The following MRPL14 variants were observed in gnomAD, a reference collection of about 807,000 sequenced individuals.
MRPL14 encodes the protein mitochondrial ribosomal protein L14.
In MRPL14, 8 loss-of-function variants were observed where a neutral mutation model predicts 10.9. The ratio of observed to expected loss-of-function variants is 0.74; its 90% CI spans 0.43 to 1.33. The LOEUF is 1.33. MRPL14 is among the 40% of genes most tolerant of loss of function. MRPL14 has a pLI of 0.01. For synonymous variants in MRPL14, 82 were observed against 74.1 expected, an observed-to-expected ratio of 1.11 and a Z score of -0.54; for missense variants, 179 against 194.5, an observed-to-expected ratio of 0.92 and a Z score of 0.47.
rs10400 is a variant in MRPL14, at chr6:44,114,147, G to T, written c.134C>A (p.Ala45Asp). The T allele has an allele frequency of 6.2e-7, 1 of 1,614,104 alleles. No homozygotes were observed. The highest frequency in any genetic ancestry group is 2.2e-5 in the East Asian group (1 of 44,894). ...MTRVRVVDNSALGNSPYHRAP... is the reference protein window; with the variant it reads ...MTRVRVVDNSDLGNSPYHRAP... The stretch of plus-strand genomic sequence containing the variant: ...CCGATGGTATGGGCTGTTCCCCAGG[G>T]CACTGTTGTCCACCACTCGTACCCG... The change falls in exon 3 of 3, where the codon GCC (alanine) becomes GAC (aspartate). Residue 45 changes from alanine to aspartate, a missense_variant. Ala to Asp is a moderately radical substitution (Grantham distance 126). Coordinates refer to ENST00000372014, the MANE Select transcript of MRPL14 (RefSeq NM_032111.4).
At chr6:44,125,005 T>G (rs1282974979) in intron 1 of MRPL14, among the ~76,000 whole-genome samples, 2 of 152,204 alleles carry the variant, frequency 1.3e-5, no homozygotes, top group Non-Finnish European at 2.9e-5. Context: ...CTTGCAACAC[T>G]GAAGACTAGG....
intron 1 of MRPL14, among the ~76,000 whole-genome samples, chr6:44,124,214 G>C (rs1776717105): frequency 6.6e-6 from 1 of 152,108 alleles, no homozygotes; most frequent in Non-Finnish European, 1.5e-5. Flanking sequence ...AAAGAATGGG[G>C]GTGGGAGGGT....
At position 44,114,159 on chromosome 6, in the gene MRPL14, A is replaced by G; in HGVS notation, c.122T>C (p.Val41Ala). The G allele has an allele frequency of 6.2e-7, 1 of 1,613,682 alleles. No homozygotes were observed. The highest frequency in any genetic ancestry group is 8.5e-7 in the Non-Finnish European group (1 of 1,179,786). The change falls in exon 3 of 3, where the codon GTG becomes GCG. Residue 41 changes from valine (V) to alanine (A), a missense_variant. Physicochemically the swap from Val to Ala is moderately conservative, Grantham distance 64. Coordinates refer to ENST00000372014, the MANE Select transcript of MRPL14 (RefSeq NM_032111.4). ...GCTGTTCCCCAGGGCACTGTTGTCC[A>G]CCACTCGTACCCGCGTCATCTTCTG... is the stretch of plus-strand genomic sequence containing the variant. ...AIQKMTRVRV[V>A]DNSALGNSPY...
chr6:44,123,531 GGT>G (rs1484130049), intron 1 of MRPL14, among the ~76,000 whole-genome samples: 2 of 152,196 alleles, frequency 1.3e-5, no homozygotes, highest in African/African-American at 2.4e-5. Context: ...GGTCTGCCAA[GGT>G]GTGAGTTCTC....
In MRPL14 at chr6:44,115,002, A is replaced by G. The variant is rs185522477; in HGVS notation, c.72-793T>C. ...TGACACAACATACCAGAAACTGGTA[A>G]TAAGTCAAGGTAACAATCTTCTGTT... On this transcript the variant is annotated intron_variant, in intron 2 of 2. Transcript: ENST00000372014. 2.0e-5 allele frequency among the ~76,000 whole-genome samples: 3 copies of G among 152,336 alleles called. No individual in the cohort carries two copies. In the East Asian group the frequency reaches 5.8e-4, roughly 29 times the overall value.
At chr6:44,120,542 T>C (rs991969990) in intron 1 of MRPL14, among the ~76,000 whole-genome samples, 1 of 152,206 alleles carries the variant, frequency 6.6e-6, no homozygotes, top group African/African-American at 2.4e-5. Context: ...TATTGACGTC[T>C]AGACCTAAAC....
intron 1 of MRPL14, among the ~76,000 whole-genome samples, chr6:44,125,265 T>C (rs975292054): frequency 6.6e-6 from 1 of 152,236 alleles, no homozygotes; most frequent in African/African-American, 2.4e-5. Context: ...CCTTGAGGAT[T>C]AGGTGCTGAC....
At chr6:44,120,910 G>A (rs1232927345) in intron 1 of MRPL14, among the ~76,000 whole-genome samples, 2 of 152,172 alleles carry the variant, frequency 1.3e-5, no homozygotes, top group Admixed American at 6.5e-5. Flanking sequence ...GGATTAGCCC[G>A]TGCTTTGTTT....
intron 1 of MRPL14, among the ~76,000 whole-genome samples, chr6:44,121,875 G>A (rs904158808): frequency 4.0e-5 from 6 of 150,252 alleles, no homozygotes; most frequent in Non-Finnish European, 8.9e-5. Context: ...GGAGGTGGAG[G>A]TTGCAGTGAG....
chr6:44,126,990 CGGA>C (rs1158658856), intron 1 of MRPL14: 4 of 152,292 alleles, frequency 2.6e-5, no homozygotes, highest in Non-Finnish European at 5.9e-5. Context: ...GCGGAGAAGC[CGGA>C]GGAGACGCTC....
intron 1 of MRPL14, among the ~76,000 whole-genome samples, chr6:44,125,999 G>T (rs1776982875): frequency 6.6e-6 from 1 of 152,156 alleles, no homozygotes; most frequent in African/African-American, 2.4e-5. Context: ...TATTTCCAGT[G>T]ATGAACAGTG....
Position 44,114,084 on chromosome 6 carries a change from A to G in MRPL14, c.197T>C (p.Val66Ala), listed in dbSNP as rs1252847579. Residue 66 changes from valine (V) to alanine (A), a missense_variant, in exon 3 of 3, where the codon GTG becomes GCG. By Grantham distance (64) the Val-to-Ala change is moderately conservative. Coordinates refer to ENST00000372014, the MANE Select transcript of MRPL14 (RefSeq NM_032111.4). ...TAGTATCTGGTCGCCCACCTTGCCCACTCCATTCTTCTTATAGACATGGAT... is the reference window on the plus strand; with the variant it reads ...TAGTATCTGGTCGCCCACCTTGCCCGCTCCATTCTTCTTATAGACATGGAT... ...RCIHVYKKNG[V>A]GKVGDQILLA... 1 of 1,613,538 alleles carries G rather than the reference A, an allele frequency of 6.2e-7. No homozygotes were observed. Among genetic ancestry groups the G allele is most frequent in the Non-Finnish European group, 8.5e-7 (1 of 1,179,954 alleles).
At chr6:44,118,309 A>G (rs1776067785) in intron 1 of MRPL14, among the ~76,000 whole-genome samples, 1 of 152,234 alleles carries the variant, frequency 6.6e-6, no homozygotes, top group East Asian at 1.9e-4. Flanking sequence ...TCAATTAGAT[A>G]AGCCATGCAA....
chr6:44,113,981 G>GAATCTGGGGGTCATTCGGGGGCCAGGCAT lies in MRPL14; in HGVS notation c.271_299dup (p.Phe100LeufsTer7). 4 of 1,613,708 alleles carry GAATCTGGGGGTCATTCGGGGGCCAGGCAT rather than the reference G, an allele frequency of 2.5e-6. No homozygotes were observed. Among genetic ancestry groups the GAATCTGGGGGTCATTCGGGGGCCAGGCAT allele is most frequent in the Non-Finnish European group, 3.4e-6 (4 of 1,179,768 alleles). On this transcript the variant is annotated stop_gained and frameshift_variant, in exon 3 of 3. Transcript: ENST00000372014. LOFTEE classifies it high-confidence loss of function. ...CAATGAGGACCACGTTGTTGGAGTC[G>GAATCTGGGGGTCATTCGGGGGCCAGGCAT]AATCTGGGGGTCATTCGGGGGCCAG...
At position 44,116,429 on chromosome 6, in the gene MRPL14, C is replaced by A. The variant is rs1046102962; in HGVS notation, c.71+112G>T. 1.0e-5 allele frequency: 11 copies of A among 1,089,886 alleles called. No individual in the cohort carries two copies. In the African/African-American group the frequency reaches 1.4e-4, roughly 14 times the overall value. The allele number at this position is 1,089,886 out of a possible 1,614,324, so 67.5% of individuals were successfully genotyped here. A position where few individuals can be genotyped will look rare whatever the true frequency, so the allele number is the denominator to read the frequency against. On this transcript the variant is annotated intron_variant, in intron 2 of 2. Transcript: ENST00000372014. Reference sequence around the variant, plus strand: ...GCCTGATCACTTTAGCTTTCCCCAACCCCATGCCCACCTCCCTGAGTTTTT... The same window carrying A: ...GCCTGATCACTTTAGCTTTCCCCAAACCCATGCCCACCTCCCTGAGTTTTT...
chr6:44,114,364 T>G (rs564806689), intron 2 of MRPL14, among the ~76,000 whole-genome samples, 155 bp from the exon 3 acceptor site: 1 of 152,338 alleles, frequency 6.6e-6, no homozygotes, highest in African/African-American at 2.4e-5. Flanking sequence ...CAGGACTTTG[T>G]GAAGACTTAT....
intron 1 of MRPL14, among the ~76,000 whole-genome samples, chr6:44,124,533 C>A (rs1776747707): frequency 6.6e-6 from 1 of 152,240 alleles, no homozygotes; most frequent in African/African-American, 2.4e-5. Context: ...ATAGGTGCCT[C>A]TTTAAGATCA....
At position 44,123,479 on chromosome 6, in the gene MRPL14, A is replaced by T. The variant is rs1022803250; in HGVS notation, c.-19+3865T>A. On this transcript the variant is annotated intron_variant, in intron 1 of 2. Coordinates refer to ENST00000372014, the MANE Select transcript of MRPL14 (RefSeq NM_032111.4). ...TCTCTTCAATAAATATCTGCACTAC[A>T]CTCAGGACAGCCTCGGACCAAAGCT... 7.2e-5 allele frequency among the ~76,000 whole-genome samples: 11 copies of T among 152,330 alleles called. No individual in the cohort carries two copies. In the East Asian group the frequency reaches 2.1e-3, roughly 29 times the overall value.
chr6:44,113,782 A>G lies in MRPL14; in HGVS notation c.*61T>C, dbSNP rs41282650. 8.5e-3 allele frequency: 12,732 copies of G among 1,504,840 alleles called. 71 individuals are homozygous for G. The highest frequency in any genetic ancestry group is 9.3e-3 in the Non-Finnish European group (10,421 of 1,125,334). The allele number at this position is 1,504,840 out of a possible 1,614,324, so 93.2% of individuals were successfully genotyped here. On this transcript the variant is annotated 3_prime_UTR_variant, in exon 3 of 3. Coordinates refer to ENST00000372014, the MANE Select transcript of MRPL14 (RefSeq NM_032111.4). The stretch of plus-strand genomic sequence containing the variant: ...ATGTGGCTCCCAAGCTCCCTTAGCA[A>G]AAGGGTGGTTCTCAGAACTGCTCCA...
Sources: allele counts gnomAD v4.1 joint callset (sites outside exome capture counted in the v4.1 genomes callset), GRCh38; gene constraint gnomAD v4.1.1; transcripts MANE v1.5; gene names NCBI Gene and HGNC (gene_info 2026-07-23, HGNC 2026-07-21).